The following CSMD2 variants were observed in gnomAD, a reference collection of about 807,000 sequenced individuals.
The protein encoded by CSMD2 is CUB and Sushi multiple domains 2, also known as CUB and sushi domain-containing protein 2.
A neutral mutation model predicts 398.5 loss-of-function variants in CSMD2; 130 were observed. That is an observed-to-expected ratio of 0.33 (90% CI 0.28 to 0.38). CSMD2 has a LOEUF of 0.38. CSMD2 is among the 10% of genes least tolerant of loss of function. CSMD2 has a pLI of 1.00. For missense variants in CSMD2, 3,829 were observed against 4,764.9 expected (o/e 0.80, Z 5.78); for synonymous variants, 1,828 against 1,908.5 (o/e 0.96, Z 1.10).
At position 33,542,797 on chromosome 1, in the gene CSMD2, C is replaced by T; in HGVS notation, c.9200G>A (p.Gly3067Glu). The change falls in exon 58 of 71, where the codon GGA becomes GAA. Residue 3067 changes from glycine (G) to glutamate (E), a missense_variant. Around this residue, in one of 5 missense-constraint regions of CSMD2, gnomAD observed 917 missense variants for 1,199.5 expected, o/e 0.76. Coordinates refer to ENST00000373381, the MANE Select transcript of CSMD2 (RefSeq NM_001281956.2). ...GCTGAGCAGGCCTGTGGCGTAGTAT[C>T]CTTCCCGGCACTCATAGACGATAGA... ...SSSIVYECRE[G>E]YYATGLLSRH... 3 of 1,614,186 alleles carry T rather than the reference C, an allele frequency of 1.9e-6. No individual in the cohort carries two copies. The highest frequency in any genetic ancestry group is 2.2e-5 in the South Asian group (2 of 91,080).
rs1041510440 is a variant in CSMD2 at position 33,924,233 on chromosome 1, G to T, written c.713-5932C>A. Among the ~76,000 whole-genome samples the T allele has an allele frequency of 2.0e-5, 3 of 151,862 alleles. No homozygotes were observed. The South Asian group carries it at 6.2e-4, about 32-fold the overall frequency. On this transcript the variant is annotated intron_variant, in intron 4 of 70. Transcript: ENST00000373381. ...AAAAAAAAAAAATAGAGATGGAGTT[G>T]TGCTGGACATTGCCCAGGCTGGACT...
chr1:34,117,178 G>C (rs943596931), intron 1 of CSMD2, among the ~76,000 whole-genome samples: 5 of 151,808 alleles, frequency 3.3e-5, no homozygotes, highest in Non-Finnish European at 5.9e-5. Flanking sequence ...TTTTAAAATG[G>C]GGAAAAATAA....
chr1:33,681,332 A>G (rs1469042543), intron 25 of CSMD2, among the ~76,000 whole-genome samples: 1 of 152,062 alleles, frequency 6.6e-6, no homozygotes, highest in East Asian at 1.9e-4. Flanking sequence ...TTTAAATTCT[A>G]TGGGTGGTTT....
At chr1:33,820,445 AG>A (rs1381199547) in intron 8 of CSMD2, 23 bp downstream of exon 8, 1 of 1,561,752 alleles carries the variant, frequency 6.4e-7, no homozygotes, top group Non-Finnish European at 8.8e-7. Flanking sequence ...TCTTGCAATC[AG>A]AAAATTCCCA....
intron 44 of CSMD2, chr1:33,600,417 T>C (rs888402935): frequency 4.4e-5 from 25 of 562,850 alleles, no homozygotes; most frequent in Non-Finnish European, 7.8e-5. Context: ...CTCTGAATTG[T>C]TCATACTCTT....
chr1:33,916,327 A>C (rs879658680), intron 5 of CSMD2, among the ~76,000 whole-genome samples: 1 of 152,226 alleles, frequency 6.6e-6, no homozygotes, highest in Admixed American at 6.5e-5. Context: ...ATACCTTTGT[A>C]GATTTTCCAT....
At chr1:33,556,478 A>G (rs971728470) in intron 55 of CSMD2, among the ~76,000 whole-genome samples, 2 of 152,246 alleles carry the variant, frequency 1.3e-5, no homozygotes, top group African/African-American at 4.8e-5. Context: ...CCTTAACTGC[A>G]TATCTATTAC....
In CSMD2 at chr1:34,161,973, C is replaced by T. The variant is rs542371862; in HGVS notation, c.187+2938G>A. 3.3e-5 allele frequency among the ~76,000 whole-genome samples: 5 copies of T among 151,930 alleles called. No individual in the cohort carries two copies. In the East Asian group the frequency reaches 9.7e-4, roughly 29 times the overall value. ...AGATCATGAGGTCAGGAGTTCGAGA[C>T]CAGCCTGACCAACATGGAGAAACCC... On this transcript the variant is annotated intron_variant, in intron 1 of 70. Coordinates refer to ENST00000373381, the MANE Select transcript of CSMD2 (RefSeq NM_001281956.2).
At chr1:33,874,701 C>T (rs1640713205) in intron 5 of CSMD2, among the ~76,000 whole-genome samples, 1 of 152,196 alleles carries the variant, frequency 6.6e-6, no homozygotes, top group South Asian at 2.1e-4. Flanking sequence ...GCACCAGAAA[C>T]CACACCTCCA....
chr1:34,129,011 CCA>C (rs1553325893), intron 1 of CSMD2, among the ~76,000 whole-genome samples: 40 of 149,988 alleles, frequency 2.7e-4, no homozygotes, highest in East Asian at 1.6e-3. Context: ...GTACCCCCCC[CCA>C]CACACACACA....
Position 33,820,525 on chromosome 1 carries a change from A to G in CSMD2, c.1143T>C (p.Asn381=), listed in dbSNP as rs763907383. 2.2e-5 allele frequency: 31 copies of G among 1,416,518 alleles called. No individual in the cohort carries two copies. Among genetic ancestry groups the G allele is most frequent in the Non-Finnish European group, 2.9e-5 (30 of 1,026,996 alleles). The allele number at this position is 1,416,518 out of a possible 1,614,324, so 87.7% of individuals were successfully genotyped here. ...CGGGTATGCCAGGGTCTGGACACAT[A>G]TTATGTCCTTGGGACACACCAACCT... is the stretch of plus-strand genomic sequence containing the variant. The part of the protein sequence containing the change: ...LTQVGVSQGH[N]MCPDPGIPER... The change falls in exon 8 of 71, where the codon AAT becomes AAC. Residue 381 remains asparagine, a synonymous_variant. Transcript: ENST00000373381.
chr1:34,052,894 T>G (rs532736107), intron 2 of CSMD2, among the ~76,000 whole-genome samples: 8 of 152,082 alleles, frequency 5.3e-5, no homozygotes, highest in Admixed American at 2.0e-4. Context: ...TCCGTGGATT[T>G]GGCAATGAGG....
intron 10 of CSMD2, among the ~76,000 whole-genome samples, chr1:33,809,138 C>T (rs992116231): frequency 5.9e-5 from 9 of 151,966 alleles, no homozygotes; most frequent in African/African-American, 1.9e-4. Context: ...CCACTAATAA[C>T]CCCAAAGGAT....
intron 56 of CSMD2, 47 bp downstream of exon 56, chr1:33,550,115 CGTCTACCTCCCATCA>C: frequency 1.3e-6 from 2 of 1,532,508 alleles, no homozygotes; most frequent in Non-Finnish European, 1.8e-6. Flanking sequence ...CTTGGGGGCT[CGTCTACCTCCCATCA>C]GTCAAGCATT....
intron 5 of CSMD2, chr1:33,878,181 C>G (rs957531956): frequency 2.6e-5 from 4 of 152,360 alleles, no homozygotes; most frequent in South Asian, 2.1e-4. Flanking sequence ...CAGGAGCCAT[C>G]CCGTGAGGCC....
chr1:33,652,054 C>T (rs1261555021), intron 28 of CSMD2, among the ~76,000 whole-genome samples: 1 of 152,112 alleles, frequency 6.6e-6, no homozygotes, highest in Non-Finnish European at 1.5e-5. Context: ...TTCCAGGTCC[C>T]AGTATCTTCA....
intron 1 of CSMD2, among the ~76,000 whole-genome samples, chr1:34,131,906 C>G (rs1663386841): frequency 6.6e-6 from 1 of 152,152 alleles, no homozygotes; most frequent in Admixed American, 6.5e-5. Context: ...TGAGCGCTCA[C>G]TCGGGGTTGC....
chr1:33,719,130 C>G (rs1055223538), intron 19 of CSMD2, among the ~76,000 whole-genome samples: 2 of 152,122 alleles, frequency 1.3e-5, no homozygotes, highest in African/African-American at 4.8e-5. Context: ...GGGTCAAAAT[C>G]CTTGATGTGA....
intron 5 of CSMD2, among the ~76,000 whole-genome samples, chr1:33,853,562 G>A (rs922764413): frequency 1.3e-5 from 2 of 152,096 alleles, no homozygotes; most frequent in African/African-American, 4.8e-5. Context: ...AAGTATGACT[G>A]GCACTGAGAG....
Sources: allele counts gnomAD v4.1 joint callset (sites outside exome capture counted in the v4.1 genomes callset), GRCh38; gene constraint gnomAD v4.1.1; regional missense constraint gnomAD v4.1.1; transcripts MANE v1.5; gene names NCBI Gene and HGNC (gene_info 2026-07-23, HGNC 2026-07-21).